Variants in SPOCD1 observed in about 807,000 individuals in gnomAD.
SPOCD1 encodes the protein SPOC domain containing 1, also known as SPOC domain-containing protein 1.
SPOCD1 carries 64 observed loss-of-function variants against 92.2 expected under a neutral mutation model. The ratio of observed to expected loss-of-function variants is 0.69; its 90% CI spans 0.57 to 0.86. The LOEUF is 0.86. SPOCD1 is among the 40% of genes least tolerant of loss of function. SPOCD1 has a pLI of 0.00. For missense variants in SPOCD1, 1,360 were observed against 1,543.1 expected (o/e 0.88, Z 1.99); for synonymous variants, 578 against 619.3 (o/e 0.93, Z 0.99).
chr1:31,791,272 G>A lies in SPOCD1; in HGVS notation c.2982C>T (p.Val994=), dbSNP rs1280062096. The A allele has an allele frequency of 1.3e-6, 2 of 1,540,728 alleles. No homozygotes were observed. Among genetic ancestry groups the A allele is most frequent in the South Asian group, 1.3e-5 (1 of 79,720 alleles). Residue 994 remains valine (V), a synonymous_variant, in exon 16 of 16, where the codon GTC becomes GTT. Coordinates refer to ENST00000360482, the MANE Select transcript of SPOCD1 (RefSeq NM_144569.7). Reference sequence around the variant, plus strand: ...CCAGACCTGGGGAAAGGAGAGGGGAGACAGGAAGAGCCCAAAGGCCTGCGG... The same window carrying A: ...CCAGACCTGGGGAAAGGAGAGGGGAAACAGGAAGAGCCCAAAGGCCTGCGG... ...LGGPGLWALP[V]SPLLSPGLEV...
intron 2 of SPOCD1, among the ~76,000 whole-genome samples, chr1:31,813,458 T>G (rs1340207294): frequency 6.6e-6 from 1 of 152,126 alleles, no homozygotes; most frequent in East Asian, 1.9e-4. Flanking sequence ...AGAGACAGGG[T>G]TTCACCATGT....
intron 15 of SPOCD1, among the ~76,000 whole-genome samples, chr1:31,791,932 A>G (rs1484300504): frequency 6.6e-6 from 1 of 152,192 alleles, no homozygotes; most frequent in African/African-American, 2.4e-5. Flanking sequence ...CCTCCCTCAG[A>G]TTCTTCTTCT....
chr1:31,815,427 C>T (rs1275582515), intron 1 of SPOCD1, 55 bp from the exon 2 acceptor site: 17 of 1,305,792 alleles, frequency 1.3e-5, no homozygotes, highest in African/African-American at 1.5e-5. Context: ...CCTGTCAGCC[C>T]GTTCAGTGGG....
Position 31,814,295 on chromosome 1 carries a change from C to T in SPOCD1, c.1039G>A (p.Val347Met), listed in dbSNP as rs770473428. Reference protein sequence around the residue: ...SAEQQEAVCVVRTGSDEGQAP... With the variant: ...SAEQQEAVCVMRTGSDEGQAP... The stretch of plus-strand genomic sequence containing the variant: ...TGGCCTTCATCGCTGCCAGTCCGCA[C>T]GACACACACAGCTTCTTGCTGCTCT... Residue 347 changes from valine (V) to methionine (M), a missense_variant, in exon 2 of 16, where the codon GTG becomes ATG. By Grantham distance (21) the Val-to-Met change is conservative (BLOSUM62 1). Around this residue, in one of 3 missense-constraint regions of SPOCD1, gnomAD observed 606 missense variants for 601.5 expected, o/e 1.01. Transcript: ENST00000360482. The surrounding 1 kb of genome is among the most constrained non-coding windows in gnomAD (Gnocchi z 4.2). 26 of 1,576,840 alleles carry T rather than the reference C, an allele frequency of 1.6e-5. No individual in the cohort carries two copies. The highest frequency in any genetic ancestry group is 6.8e-5 in the East Asian group (3 of 44,202).
At position 31,798,657 on chromosome 1, in the gene SPOCD1, T is replaced by TA; in HGVS notation, c.1869-57dup. 1 of 1,577,684 alleles carries TA rather than the reference T, an allele frequency of 6.3e-7. No individual in the cohort carries two copies. The highest frequency in any genetic ancestry group is 1.1e-5 in the South Asian group (1 of 87,620). Reference sequence around the variant, plus strand: ...GAGCCCAGGAGGCTCTCCAGGCACTTAGTCCCAGAGGGAGGCAGCTGGGTG... The same window carrying TA: ...GAGCCCAGGAGGCTCTCCAGGCACTTAAGTCCCAGAGGGAGGCAGCTGGGTG... On this transcript the variant is annotated intron_variant, in intron 7 of 15. Coordinates refer to ENST00000360482, the MANE Select transcript of SPOCD1 (RefSeq NM_144569.7). The surrounding 1 kb of genome is among the most constrained non-coding windows in gnomAD (Gnocchi z 4.1).
chr1:31,791,328 G>A (rs772869996), intron 15 of SPOCD1, 37 bp from the exon 16 acceptor site: 1 of 1,444,536 alleles, frequency 6.9e-7, no homozygotes, highest in Non-Finnish European at 9.1e-7. Flanking sequence ...AGCTGCAGCA[G>A]ATCTGGAGCC....
At chr1:31,804,286 G>A (rs1425877938) in intron 2 of SPOCD1, among the ~76,000 whole-genome samples, 1 of 152,156 alleles carries the variant, frequency 6.6e-6, no homozygotes, top group Admixed American at 6.5e-5. Context: ...GGCACAGGGA[G>A]GTTAATCAGC....
chr1:31,800,358 C>A (rs1456874028), intron 4 of SPOCD1, 83 bp downstream of exon 4: 2 of 1,462,848 alleles, frequency 1.4e-6, no homozygotes, highest in Non-Finnish European at 9.1e-7. Context: ...GGCACCCTCT[C>A]TCTGAGCCTC....
intron 2 of SPOCD1, among the ~76,000 whole-genome samples, chr1:31,809,633 T>C (rs777391827): frequency 6.6e-6 from 1 of 152,194 alleles, no homozygotes; most frequent in Non-Finnish European, 1.5e-5. Flanking sequence ...ACTTAGGAAC[T>C]GTGTGATCTT....
intron 2 of SPOCD1, among the ~76,000 whole-genome samples, chr1:31,804,076 C>T (rs1648653282): frequency 6.6e-6 from 1 of 152,158 alleles, no homozygotes; most frequent in African/African-American, 2.4e-5. Flanking sequence ...CATACCTAGA[C>T]ACATCAACAC....
Position 31,793,813 on chromosome 1 carries a change from T to A in SPOCD1, c.2468A>T (p.Gln823Leu). The A allele has an allele frequency of 1.1e-5, 17 of 1,614,250 alleles. No homozygotes were observed. The highest frequency in any genetic ancestry group is 1.4e-5 in the Non-Finnish European group (17 of 1,180,034). Residue 823 changes from glutamine (Q) to leucine (L), a missense_variant, in exon 12 of 16, where the codon CAA becomes CTA. Coordinates refer to ENST00000360482, the MANE Select transcript of SPOCD1 (RefSeq NM_144569.7). ...CATCTCTGGAGCAGGCATAGGAGTT[T>A]GGCTTAGGGCTTTCTGGAAGATATT... ...GDNIFQKALSQTPMPAPEMPK... is the reference protein window; with the variant it reads ...GDNIFQKALSLTPMPAPEMPK...
chr1:31,797,883 A>G (rs1648136139), intron 9 of SPOCD1, among the ~76,000 whole-genome samples: 2 of 152,066 alleles, frequency 1.3e-5, no homozygotes, highest in African/African-American at 4.8e-5. Context: ...ATCGGAAAAG[A>G]GGTACCTCAG....
At chr1:31,794,538 A>G (rs1452116064) in intron 10 of SPOCD1, 2 of 182,118 alleles carry the variant, frequency 1.1e-5, no homozygotes, top group African/African-American at 5.7e-5. Context: ...GTTTTTTGAG[A>G]CAGAGTCTTG....
At chr1:31,804,067 A>T (rs1648652650) in intron 2 of SPOCD1, among the ~76,000 whole-genome samples, 1 of 152,246 alleles carries the variant, frequency 6.6e-6, no homozygotes, top group African/African-American at 2.4e-5. Context: ...AAGGAAATTC[A>T]TACCTAGACA....
At chr1:31,802,508 ACATGGAAAGATT>A (rs1260510541) in intron 2 of SPOCD1, among the ~76,000 whole-genome samples, 1 of 152,236 alleles carries the variant, frequency 6.6e-6, no homozygotes, top group African/African-American at 2.4e-5. Context: ...CTATGTGGAG[ACATGGAAAGATT>A]CATGGAAAGA....
chr1:31,800,716 A>C, intron 3 of SPOCD1, 99 bp from the exon 4 acceptor site: 2 of 1,061,478 alleles, frequency 1.9e-6, no homozygotes, highest in Non-Finnish European at 2.7e-6. Flanking sequence ...TCTCTCTCCC[A>C]CTGGAGTGTA....
intron 2 of SPOCD1, among the ~76,000 whole-genome samples, chr1:31,803,784 AGAAAGGAAAGGAAAGG>A (rs768934380): frequency 6.6e-6 from 1 of 150,732 alleles, no homozygotes; most frequent in Non-Finnish European, 1.5e-5. Flanking sequence ...AGAAAGGAGA[AGAAAGGAAAGGAAAGG>A]GAAAGGAAAG....
In SPOCD1 at chr1:31,814,642, C is replaced by A; in HGVS notation, c.692G>T (p.Ser231Ile). 6.5e-7 allele frequency: 1 copy of A among 1,538,446 alleles called. No individual in the cohort carries two copies. Among genetic ancestry groups the A allele is most frequent in the Non-Finnish European group, 8.7e-7 (1 of 1,143,374 alleles). ...AGACAGGAGGTTGTCCCCACGAGGG[C>A]TCTGATCAAGCCACAGGAAGTCACC... ...GAGDFLWLDQ[S>I]PRGDNLLSVG... Residue 231 changes from serine (S) to isoleucine (I), a missense_variant, in exon 2 of 16, where the codon AGC becomes ATC. By Grantham distance (142) the Ser-to-Ile change is moderately radical (BLOSUM62 -2). Around this residue, in one of 3 missense-constraint regions of SPOCD1, gnomAD observed 606 missense variants for 601.5 expected, o/e 1.01. Coordinates refer to ENST00000360482, the MANE Select transcript of SPOCD1 (RefSeq NM_144569.7). This position sits in a 1 kb window ranked among gnomAD's most constrained non-coding sequence, Gnocchi z 4.2.
intron 15 of SPOCD1, 45 bp from the exon 16 acceptor site, chr1:31,791,336 G>C (rs751367530): frequency 1.2e-5 from 17 of 1,422,546 alleles, no homozygotes; most frequent in Middle Eastern, 3.7e-4. Context: ...CAGATCTGGA[G>C]CCTACATCCC....
Sources: gnomAD v4.1 joint callset for allele counts (sites outside exome capture counted in the v4.1 genomes callset) on GRCh38, gnomAD v4.1.1 for gene constraint, gnomAD v4.1.1 regional missense constraint, Gnocchi (gnomAD v3.1) non-coding constraint, MANE v1.5 for transcripts, NCBI Gene and HGNC (gene_info 2026-07-23, HGNC 2026-07-21) for gene names.